The following MICALL1 variants were observed in gnomAD, a reference collection of about 807,000 sequenced individuals.
MICALL1 encodes the protein MICAL like 1, also known as MICAL-like protein 1.
MICALL1 carries 61 observed loss-of-function variants against 83.7 expected under a neutral mutation model. The observed-to-expected ratio is 0.73, with a 90% CI of 0.59 to 0.90. MICALL1 has a LOEUF of 0.90. Among genes scored for constraint, MICALL1 ranks in the 40% least tolerant of loss-of-function variants. MICALL1 has a pLI of 0.00. For missense variants in MICALL1, 1,066 were observed against 1,152.0 expected (o/e 0.93, Z 1.08); for synonymous variants, 481 against 473.6 (o/e 1.02, Z -0.20).
chr22:37,918,995 C>A (rs1245248944), intron 4 of MICALL1, 41 bp from the exon 5 acceptor site: 4 of 1,516,366 alleles, frequency 2.6e-6, no homozygotes, highest in Admixed American at 4.1e-5. Context: ...TGGCTGGTGA[C>A]CATGTCCTGC....
At chr22:37,913,703 A>G (rs1015324917) in intron 3 of MICALL1, among the ~76,000 whole-genome samples, 3 of 152,152 alleles carry the variant, frequency 2.0e-5, no homozygotes, top group African/African-American at 4.8e-5. Context: ...ATAGGCCTAG[A>G]GAGGGGAAGC....
At chr22:37,919,237 A>G (rs1928873307) in intron 5 of MICALL1, 59 bp downstream of exon 5, 4 of 1,441,800 alleles carry the variant, frequency 2.8e-6, no homozygotes, top group Non-Finnish European at 2.8e-6. Context: ...CCGTGGGTTC[A>G]GCACACACAG....
chr22:37,929,748 G>A (rs369404271), intron 9 of MICALL1, among the ~76,000 whole-genome samples: 5 of 152,234 alleles, frequency 3.3e-5, no homozygotes, highest in East Asian at 1.9e-4. Context: ...CTGTCTTGCA[G>A]CCACAGCGCC....
chr22:37,906,406 G>C lies in MICALL1; in HGVS notation c.-17G>C, dbSNP rs1478958650. 9.0e-7 allele frequency: 1 copy of C among 1,106,084 alleles called. No homozygotes were observed. The highest frequency in any genetic ancestry group is 1.1e-6 in the Non-Finnish European group (1 of 907,604). 68.5% of individuals were successfully genotyped at this position (1,106,084 alleles called of 1,614,324 possible). A position where few individuals can be genotyped will look rare whatever the true frequency, so the allele number is the denominator to read the frequency against. Reference sequence around the variant, plus strand: ...GGGCCCCGAAGCCAGAGCCGGAGCCGGGCGGGCCGCGGGGTCATGGCTGGG... The same window carrying C: ...GGGCCCCGAAGCCAGAGCCGGAGCCCGGCGGGCCGCGGGGTCATGGCTGGG... On this transcript the variant is annotated 5_prime_UTR_variant, in exon 1 of 16. Coordinates refer to ENST00000215957, the MANE Select transcript of MICALL1 (RefSeq NM_033386.4). The surrounding 1 kb of genome is among the most constrained non-coding windows in gnomAD (Gnocchi z 4.4).
intron 9 of MICALL1, 80 bp from the exon 10 acceptor site, chr22:37,931,719 A>G: frequency 6.4e-7 from 1 of 1,565,300 alleles, no homozygotes; most frequent in Non-Finnish European, 8.7e-7. Context: ...CCTGCTTTCC[A>G]TGTTCCCAAA....
Position 37,906,480 on chromosome 22 carries a change from C to A in MICALL1, c.58C>A (p.Arg20Ser). ...GTGCCGCCGCCAGTGCGAGGGCTAC[C>A]GCGGCGTGGAGATCCGCGACCTGAG... ...AWCRRQCEGY[R>S]GVEIRDLSSS... is the part of the protein sequence containing the mutation. Residue 20 changes from arginine to serine, a missense_variant, in exon 1 of 16, where the codon CGC becomes AGC. Physicochemically the swap from Arg to Ser is moderately radical, Grantham distance 110 (BLOSUM62 -1). Coordinates refer to ENST00000215957, the MANE Select transcript of MICALL1 (RefSeq NM_033386.4). The surrounding 1 kb of genome is among the most constrained non-coding windows in gnomAD (Gnocchi z 4.4). 3 of 1,249,298 alleles carry A rather than the reference C, an allele frequency of 2.4e-6. No individual in the cohort carries two copies. The highest frequency in any genetic ancestry group is 3.0e-6 in the Non-Finnish European group (3 of 985,806). The allele number at this position is 1,249,298 out of a possible 1,614,324, so 77.4% of individuals were successfully genotyped here. A position where few individuals can be genotyped will look rare whatever the true frequency, so the allele number is the denominator to read the frequency against.
chr22:37,927,028 A>T (rs1929487775), intron 8 of MICALL1: 1 of 271,776 alleles, frequency 3.7e-6, no homozygotes, highest in Non-Finnish European at 7.0e-6. Flanking sequence ...CCTGTCCCAG[A>T]GCTGGTGGCT....
At chr22:37,928,533 C>T (rs1929618050) in intron 9 of MICALL1, among the ~76,000 whole-genome samples, 1 of 152,208 alleles carries the variant, frequency 6.6e-6, no homozygotes, top group Non-Finnish European at 1.5e-5. Flanking sequence ...TCTTTACTGG[C>T]CTCTGACTTC....
At chr22:37,917,668 C>A in intron 3 of MICALL1, 39 bp from the exon 4 acceptor site, 1 of 1,599,214 alleles carries the variant, frequency 6.3e-7, no homozygotes, top group African/African-American at 1.3e-5. Flanking sequence ...ACTCCAGGAT[C>A]TCCACCTGCT....
At chr22:37,911,109 T>A (rs191477978) in intron 1 of MICALL1, among the ~76,000 whole-genome samples, 2,224 of 144,620 alleles carry the variant, frequency 0.015, 30 homozygotes, top group South Asian at 0.04. Flanking sequence ...AAATAAAGCC[T>A]GCAGGCCAGC....
At chr22:37,919,696 AT>A (rs949158530) in intron 5 of MICALL1, among the ~76,000 whole-genome samples, 4 of 150,570 alleles carry the variant, frequency 2.7e-5, no homozygotes, top group Admixed American at 6.6e-5. Context: ...AGCTTAAAAA[AT>A]TTTTTTTTGG....
intron 1 of MICALL1, among the ~76,000 whole-genome samples, chr22:37,908,089 A>AGTGGC (rs1928082253): frequency 1.3e-5 from 2 of 152,030 alleles, no homozygotes; most frequent in African/African-American, 4.8e-5. Flanking sequence ...CATCAAAGTA[A>AGTGGC]ATAAAGGCCG....
At chr22:37,929,525 G>A (rs1182442559) in intron 9 of MICALL1, among the ~76,000 whole-genome samples, 2 of 152,210 alleles carry the variant, frequency 1.3e-5, no homozygotes, top group South Asian at 2.1e-4. Context: ...GAGAGCAGAC[G>A]TGGCCCTATC....
At chr22:37,921,576 A>AAAAAC (rs1480434890) in intron 5 of MICALL1, among the ~76,000 whole-genome samples, 1 of 152,166 alleles carries the variant, frequency 6.6e-6, no homozygotes, top group Non-Finnish European at 1.5e-5. Flanking sequence ...TCCATCTCAA[A>AAAAAC]AAAACAAAAC....
chr22:37,925,606 A>G, intron 7 of MICALL1, 55 bp from the exon 8 acceptor site: 1 of 1,428,558 alleles, frequency 7.0e-7, no homozygotes, highest in Middle Eastern at 2.5e-4. Flanking sequence ...TAGAGAGAGA[A>G]GGAAGCTGAC....
chr22:37,919,139 A>T lies in MICALL1; in HGVS notation c.530A>T (p.Tyr177Phe), dbSNP rs759080609. The change falls in exon 5 of 16, where the codon TAC (tyrosine) becomes TTC (phenylalanine). Residue 177 changes from tyrosine (Y) to phenylalanine (F), a missense_variant. Transcript: ENST00000215957. Reference protein sequence around the residue: ...CQQHVHLVQRYLADGRLYHRH... With the variant: ...CQQHVHLVQRFLADGRLYHRH... The stretch of plus-strand genomic sequence containing the variant: ...CAGCATGTGCACTTGGTGCAGCGCT[A>T]CCTGGCTGACGGCAGGCTGTACCAT... The T allele has an allele frequency of 6.5e-7, 1 of 1,549,262 alleles. No individual in the cohort carries two copies. Among genetic ancestry groups the T allele is most frequent in the Non-Finnish European group, 8.7e-7 (1 of 1,145,964 alleles).
Position 37,917,764 on chromosome 22 carries a change from C to A in MICALL1, c.395C>A (p.Pro132His). The A allele has an allele frequency of 6.2e-7, 1 of 1,613,940 alleles. No individual in the cohort carries two copies. The highest frequency in any genetic ancestry group is 8.5e-7 in the Non-Finnish European group (1 of 1,179,914). Residue 132 changes from proline to histidine, a missense_variant, in exon 4 of 16, where the codon CCC becomes CAC. Physicochemically the swap from Pro to His is moderately conservative, Grantham distance 77. Transcript: ENST00000215957. ...CCCTGTTCCCCGCCGTCTGTAGCAC[C>A]CACTCCAGTGGAACCAGAAGATGTG... ...LAPCSPPSVAPTPVEPEDVAQ... is the reference protein window; with the variant it reads ...LAPCSPPSVAHTPVEPEDVAQ...
At chr22:37,938,962 A>G (rs1421923524) in intron 15 of MICALL1, among the ~76,000 whole-genome samples, 1 of 151,544 alleles carries the variant, frequency 6.6e-6, no homozygotes, top group Non-Finnish European at 1.5e-5. Context: ...CATCATGTTG[A>G]CCAGGCTGGT....
chr22:37,920,958 C>T (rs546193966), intron 5 of MICALL1, among the ~76,000 whole-genome samples: 57 of 151,952 alleles, frequency 3.8e-4, no homozygotes, highest in African/African-American at 1.3e-3. Flanking sequence ...TGTAGTGGCA[C>T]GCACCTGTAG....
Sources: gnomAD v4.1 joint callset for allele counts (sites outside exome capture counted in the v4.1 genomes callset) on GRCh38, gnomAD v4.1.1 for gene constraint, Gnocchi (gnomAD v3.1) non-coding constraint, MANE v1.5 for transcripts, NCBI Gene and HGNC (gene_info 2026-07-23, HGNC 2026-07-21) for gene names.